The following BTBD6 variants were observed in gnomAD, a reference collection of about 807,000 sequenced individuals.
BTBD6 encodes BTB domain containing 6.
In BTBD6, 30 loss-of-function variants were observed where a neutral mutation model predicts 40.6. The ratio of observed to expected loss-of-function variants is 0.74; its 90% CI spans 0.55 to 1.00. The LOEUF (loss-of-function observed/expected upper bound fraction) is 1.00, where lower values mean the gene tolerates loss of function less well. Among genes scored for constraint, BTBD6 ranks in the 50% least tolerant of loss-of-function variants. BTBD6 has a pLI of 0.00. For synonymous variants in BTBD6, 378 were observed against 308.7 expected (o/e 1.22, Z -2.35); for missense variants, 698 against 694.6 (o/e 1.00, Z -0.06).
chr14:105,249,476 A>T lies in BTBD6; in HGVS notation c.582A>T (p.Leu194Phe). The change falls in exon 3 of 4, where the codon TTA becomes TTT. Residue 194 changes from leucine to phenylalanine, a missense_variant and splice_region_variant. Coordinates refer to ENST00000392554, the MANE Select transcript of BTBD6 (RefSeq NM_001387567.1). The part of the protein sequence containing the change: ...DVEPAAFLIL[L>F]KYMYSDEIDL... ...AGCCCGCAGCCTTTCTGATCCTCTT[A>T]AAGTAAGTCCACTCTACTGGGGAGG... 1 of 1,613,390 alleles carries T rather than the reference A, an allele frequency of 6.2e-7. No individual in the cohort carries two copies. Among genetic ancestry groups the T allele is most frequent in the Non-Finnish European group, 8.5e-7 (1 of 1,179,978 alleles).
chr14:105,249,024 C>T lies in BTBD6; in HGVS notation c.313C>T (p.Leu105Phe), dbSNP rs2055379390. 1 of 1,165,698 alleles carries T rather than the reference C, an allele frequency of 8.6e-7. No homozygotes were observed. The highest frequency in any genetic ancestry group is 1.1e-6 in the Non-Finnish European group (1 of 947,792). 72.2% of individuals were successfully genotyped at this position (1,165,698 alleles called of 1,614,324 possible). A position where few individuals can be genotyped will look rare whatever the true frequency, so the allele number is the denominator to read the frequency against. ...GCCGCCCGCGCCCGCGCCGCCCACA[C>T]TCGGCAACAACCACCAGGAGAGCCC... ...PPPPAPAPPT[L>F]GNNHQESPGW... Residue 105 changes from leucine (L) to phenylalanine (F), a missense_variant, in exon 1 of 4, where the codon CTC (leucine) becomes TTC (phenylalanine). Transcript: ENST00000392554.
intron 3 of BTBD6, 58 bp downstream of exon 3, chr14:105,249,536 C>T: frequency 6.2e-7 from 1 of 1,600,158 alleles, no homozygotes; most frequent in East Asian, 2.2e-5. Flanking sequence ...CCTCCGGAGG[C>T]TTCTGAAGGG....
At position 105,250,231 on chromosome 14, in the gene BTBD6, C is replaced by T. The variant is rs147246881; in HGVS notation, c.1176C>T (p.His392=). The change falls in exon 4 of 4, where the codon CAC becomes CAT. Residue 392 remains histidine (H), a synonymous_variant. Coordinates refer to ENST00000392554, the MANE Select transcript of BTBD6 (RefSeq NM_001387567.1). ...KRKGLAPQRC[H]RFQSSAYRSN... ...AGGGCCTCGCCCCGCAGAGGTGCCA[C>T]CGATTCCAGTCTTCTGCCTACCGCA... The T allele has an allele frequency of 3.7e-5, 59 of 1,612,846 alleles. No individual in the cohort carries two copies. The highest frequency in any genetic ancestry group is 1.1e-5 in the South Asian group (1 of 91,092).
Position 105,250,944 on chromosome 14 carries a change from C to G in BTBD6, c.*272C>G. ...AGATCCCCTCCCAGTGGCACCCATGCCACCTGCTTTGAGGGGTTGGATCTT... is the reference window on the plus strand; with the variant it reads ...AGATCCCCTCCCAGTGGCACCCATGGCACCTGCTTTGAGGGGTTGGATCTT... On this transcript the variant is annotated 3_prime_UTR_variant, in exon 4 of 4. Transcript: ENST00000392554. The G allele has an allele frequency of 2.2e-6, 1 of 451,586 alleles. No homozygotes were observed. Among genetic ancestry groups the G allele is most frequent in the Non-Finnish European group, 4.1e-6 (1 of 243,178 alleles). 28.0% of individuals were successfully genotyped at this position (451,586 alleles called of 1,614,324 possible). A position where few individuals can be genotyped will look rare whatever the true frequency, so the allele number is the denominator to read the frequency against.
In BTBD6 at chr14:105,248,667, G is replaced by A. The variant is rs2055333597; in HGVS notation, c.-45G>A. On this transcript the variant is annotated 5_prime_UTR_variant, in exon 1 of 4. Transcript: ENST00000392554. ...CAGGGTCGCAGGGGCGGGGGTGGCA[G>A]GGGAGCGGGTGGCAGCCCCGCGGGT... 1.0e-6 allele frequency: 1 copy of A among 981,436 alleles called. No homozygotes were observed. The highest frequency in any genetic ancestry group is 1.2e-6 in the Non-Finnish European group (1 of 828,670). The allele number at this position is 981,436 out of a possible 1,614,324, so 60.8% of individuals were successfully genotyped here. A position where few individuals can be genotyped will look rare whatever the true frequency, so the allele number is the denominator to read the frequency against.
chr14:105,249,981 C>T lies in BTBD6; in HGVS notation c.926C>T (p.Ala309Val), dbSNP rs1260638150. 8 of 1,612,540 alleles carry T rather than the reference C, an allele frequency of 5.0e-6. No individual in the cohort carries two copies. Among genetic ancestry groups the T allele is most frequent in the Non-Finnish European group, 5.9e-6 (7 of 1,180,034 alleles). The change falls in exon 4 of 4, where the codon GCC (alanine) becomes GTC (valine). Residue 309 changes from alanine (A) to valine (V), a missense_variant. Physicochemically the swap from Ala to Val is moderately conservative, Grantham distance 64. Coordinates refer to ENST00000392554, the MANE Select transcript of BTBD6 (RefSeq NM_001387567.1). Reference protein sequence around the residue: ...AVVFEAVLNWAEAECKRQGLP... With the variant: ...AVVFEAVLNWVEAECKRQGLP... ...GTCTTCGAGGCCGTCCTGAACTGGG[C>T]CGAGGCGGAGTGCAAGAGGCAGGGG...
At position 105,248,621 on chromosome 14, in the gene BTBD6, C is replaced by A; in HGVS notation, c.-91C>A. On this transcript the variant is annotated 5_prime_UTR_variant, in exon 1 of 4. The change creates a new upstream start codon in the 5' untranslated region. Coordinates refer to ENST00000392554, the MANE Select transcript of BTBD6 (RefSeq NM_001387567.1). ...CCCCCCGCGGCCGGGCCTGGCCGGG[C>A]TGCGCTAGGCTGGGCTCGGGCAGGG... is the stretch of plus-strand genomic sequence containing the variant. The A allele has an allele frequency of 1.0e-6, 1 of 977,764 alleles. No homozygotes were observed. Among genetic ancestry groups the A allele is most frequent in the Non-Finnish European group, 1.2e-6 (1 of 826,452 alleles). The allele number at this position is 977,764 out of a possible 1,614,324, so 60.6% of individuals were successfully genotyped here.
chr14:105,250,174 G>A lies in BTBD6; in HGVS notation c.1119G>A (p.Lys373=). 6.2e-7 allele frequency: 1 copy of A among 1,612,934 alleles called. No individual in the cohort carries two copies. The highest frequency in any genetic ancestry group is 1.7e-4 in the Middle Eastern group (1 of 6,052). ...TCCTGTGGTACACGGCCACCAACAAGCCCCGCCTGGACTTTCCCCTGACCA... is the reference window on the plus strand; with the variant it reads ...TCCTGTGGTACACGGCCACCAACAAACCCCGCCTGGACTTTCCCCTGACCA... ...SIFLWYTATN[K]PRLDFPLTKR... is the part of the protein sequence containing the mutation. The change falls in exon 4 of 4, where the codon AAG becomes AAA. Residue 373 remains lysine, a synonymous_variant. Coordinates refer to ENST00000392554, the MANE Select transcript of BTBD6 (RefSeq NM_001387567.1).
Position 105,249,249 on chromosome 14 carries a change from T to C in BTBD6, c.465+2T>C. ...ACCAGGACGGTGCCCGCCCACAAGG[T>C]GGGTAGCGGCGGCCCCTCTCGGAAC... On this transcript the variant is annotated splice_donor_variant, in intron 2 of 3. Transcript: ENST00000392554. LOFTEE classifies it high-confidence loss of function. 1 of 1,572,670 alleles carries C rather than the reference T, an allele frequency of 6.4e-7. No homozygotes were observed. The highest frequency in any genetic ancestry group is 8.6e-7 in the Non-Finnish European group (1 of 1,163,980).
chr14:105,249,490 C>T lies in BTBD6; in HGVS notation c.584+12C>T, dbSNP rs201575024. The T allele has an allele frequency of 7.6e-4, 1,178 of 1,546,562 alleles. 3 individuals are homozygous for T. The highest frequency in any genetic ancestry group is 3.0e-3 in the Middle Eastern group (18 of 5,916). Reference sequence around the variant, plus strand: ...CTGATCCTCTTAAAGTAAGTCCACTCTACTGGGGAGGGACGGGTGGGTCCG... The same window carrying T: ...CTGATCCTCTTAAAGTAAGTCCACTTTACTGGGGAGGGACGGGTGGGTCCG... On this transcript the variant is annotated intron_variant, in intron 3 of 3. Transcript: ENST00000392554.
intron 2 of BTBD6, 38 bp from the exon 3 acceptor site, chr14:105,249,322 G>T: frequency 6.3e-7 from 1 of 1,597,114 alleles, no homozygotes; most frequent in Non-Finnish European, 8.5e-7. Flanking sequence ...CGCAGCCTGC[G>T]GGAGAGCCAG....
chr14:105,249,975 A>T lies in BTBD6; in HGVS notation c.920A>T (p.Asn307Ile). Residue 307 changes from asparagine (N) to isoleucine (I), a missense_variant, in exon 4 of 4, where the codon AAC (asparagine) becomes ATC (isoleucine). Transcript: ENST00000392554. ...GCGGTGGTCTTCGAGGCCGTCCTGA[A>T]CTGGGCCGAGGCGGAGTGCAAGAGG... The part of the protein sequence containing the change: ...KEAVVFEAVL[N>I]WAEAECKRQG... 1 of 1,612,590 alleles carries T rather than the reference A, an allele frequency of 6.2e-7. No homozygotes were observed.
chr14:105,250,407 T>C lies in BTBD6; in HGVS notation c.1352T>C (p.Leu451Pro), dbSNP rs2055534909. The C allele has an allele frequency of 6.2e-7, 1 of 1,613,796 alleles. No individual in the cohort carries two copies. The highest frequency in any genetic ancestry group is 8.5e-7 in the Non-Finnish European group (1 of 1,180,052). The stretch of plus-strand genomic sequence containing the variant: ...GAGCTCAAGCGGCTCGGGGTGGTTC[T>C]GGCTCAGAACTTGACCAAGTTCATG... ...KIELKRLGVV[L>P]AQNLTKFMSD... The change falls in exon 4 of 4, where the codon CTG (leucine) becomes CCG (proline). Residue 451 changes from leucine to proline, a missense_variant. Leu to Pro is a moderately conservative substitution (Grantham distance 98). Transcript: ENST00000392554.
chr14:105,250,554 A>G lies in BTBD6; in HGVS notation c.1499A>G (p.Glu500Gly). The G allele has an allele frequency of 3.1e-6, 5 of 1,614,076 alleles. No individual in the cohort carries two copies. The highest frequency in any genetic ancestry group is 4.2e-6 in the Non-Finnish European group (5 of 1,180,032). The change falls in exon 4 of 4, where the codon GAG becomes GGG. Residue 500 changes from glutamate (E) to glycine (G), a missense_variant. Physicochemically the swap from Glu to Gly is moderately conservative, Grantham distance 98 (BLOSUM62 -2). Transcript: ENST00000392554. The part of the protein sequence containing the change: ...DGSELSYFGQ[E>G]GMTEVQCGKV... Reference sequence around the variant, plus strand: ...AGCGAACTCAGCTACTTTGGGCAGGAGGGGATGACGGAAGTGCAGTGTGGA... The same window carrying G: ...AGCGAACTCAGCTACTTTGGGCAGGGGGGGATGACGGAAGTGCAGTGTGGA...
chr14:105,249,493 C>A lies in BTBD6; in HGVS notation c.584+15C>A, dbSNP rs753336338. The A allele has an allele frequency of 2.9e-6, 3 of 1,019,062 alleles. No individual in the cohort carries two copies. In the South Asian group the frequency reaches 3.8e-5, roughly 13 times the overall value. The allele number at this position is 1,019,062 out of a possible 1,614,324, so 63.1% of individuals were successfully genotyped here. A position where few individuals can be genotyped will look rare whatever the true frequency, so the allele number is the denominator to read the frequency against. ...ATCCTCTTAAAGTAAGTCCACTCTA[C>A]TGGGGAGGGACGGGTGGGTCCGTTT... On this transcript the variant is annotated intron_variant, in intron 3 of 3. Transcript: ENST00000392554.
chr14:105,249,114 C>T (rs1566833825), intron 1 of BTBD6, 29 bp downstream of exon 1: 2 of 1,504,044 alleles, frequency 1.3e-6, no homozygotes, highest in South Asian at 2.5e-5. Flanking sequence ...GCCCCCGCGC[C>T]CGCGCGCGCC....
chr14:105,249,311 A>G, intron 2 of BTBD6, 49 bp from the exon 3 acceptor site: 1 of 1,590,008 alleles, frequency 6.3e-7, no homozygotes, highest in Non-Finnish European at 8.6e-7. Flanking sequence ...TGTGGCTGAC[A>G]CGCAGCCTGC....
rs1343729779 is a variant in BTBD6 at position 105,248,981 on chromosome 14, C to CCCCGCG, written c.273_278dup (p.Ala94_Pro95dup). 3 of 986,228 alleles carry CCCCGCG rather than the reference C, an allele frequency of 3.0e-6. No homozygotes were observed. The highest frequency in any genetic ancestry group is 3.6e-5 in the African/African-American group (2 of 56,268). 61.1% of individuals were successfully genotyped at this position (986,228 alleles called of 1,614,324 possible). On this transcript the variant is annotated inframe_insertion, in exon 1 of 4. Coordinates refer to ENST00000392554, the MANE Select transcript of BTBD6 (RefSeq NM_001387567.1). ...CCGGGCCGCGCAGCCCGCCCAGCGC[C>CCCCGCG]CCCGCGCCAGCGCCGCCGCCGCCCG...
rs2055522778 is a variant in BTBD6 at position 105,250,251 on chromosome 14, A to G, written c.1196A>G (p.Tyr399Cys). 1 of 1,613,020 alleles carries G rather than the reference A, an allele frequency of 6.2e-7. No homozygotes were observed. Among genetic ancestry groups the G allele is most frequent in the Non-Finnish European group, 8.5e-7 (1 of 1,180,016 alleles). The change falls in exon 4 of 4, where the codon TAC (tyrosine) becomes TGC (cysteine). Residue 399 changes from tyrosine (Y) to cysteine (C), a missense_variant. Coordinates refer to ENST00000392554, the MANE Select transcript of BTBD6 (RefSeq NM_001387567.1). ...TGCCACCGATTCCAGTCTTCTGCCTACCGCAGCAACCAGTGGCGGTACCGC... is the reference window on the plus strand; with the variant it reads ...TGCCACCGATTCCAGTCTTCTGCCTGCCGCAGCAACCAGTGGCGGTACCGC... ...QRCHRFQSSA[Y>C]RSNQWRYRGR...
Sources: gnomAD v4.1 joint callset for allele counts on GRCh38, gnomAD v4.1.1 for gene constraint, MANE v1.5 for transcripts, NCBI Gene and HGNC (gene_info 2026-07-23, HGNC 2026-07-21) for gene names.